ZNF804B: variants seen among roughly 807,000 people sequenced by gnomAD.
The protein encoded by ZNF804B is zinc finger 804B.
A neutral mutation model predicts 101.4 loss-of-function variants in ZNF804B; 80 were observed. That is an observed-to-expected ratio of 0.79 (90% confidence interval 0.66 to 0.95). The LOEUF (loss-of-function observed/expected upper bound fraction) is 0.95. Ranked by LOEUF, ZNF804B falls within the 40% of genes least tolerant of loss-of-function variation. The pLI is 0.00. For synonymous variants in ZNF804B, 622 were observed against 558.8 expected, an observed-to-expected ratio of 1.11 and a Z score of -1.59; for missense variants, 1,673 against 1,561.9, an observed-to-expected ratio of 1.07 and a Z score of -1.20.
In ZNF804B at chr7:89,335,114, C is replaced by G; in HGVS notation, c.2132C>G (p.Ser711Cys). 3.1e-6 allele frequency: 5 copies of G among 1,613,844 alleles called. No individual in the cohort carries two copies. Among genetic ancestry groups the G allele is most frequent in the Non-Finnish European group, 4.2e-6 (5 of 1,179,920 alleles). Residue 711 changes from serine (S) to cysteine (C), a missense_variant, in exon 4 of 4, where the codon TCT (serine) becomes TGT (cysteine). Coordinates refer to ENST00000333190, the MANE Select transcript of ZNF804B (RefSeq NM_181646.5). ...TCATGTTTGAGTAGATATTCTTCCT[C>G]TTTGGACACATCCCCTAGCAGCATG... ...PQSCLSRYSS[S>C]LDTSPSSMSS... is the part of the protein sequence containing the mutation.
chr7:89,333,849 A>G lies in ZNF804B; in HGVS notation c.867A>G (p.Glu289=). Residue 289 remains glutamate, a synonymous_variant, in exon 4 of 4, where the codon GAA becomes GAG. Transcript: ENST00000333190. ...KEVNISPSHL[E]SVLHNTISIN... ...TAAATATCTCACCAAGCCATCTGGA[A>G]AGTGTTTTACACAATACCATCTCCA... 2 of 1,613,376 alleles carry G rather than the reference A, an allele frequency of 1.2e-6. No individual in the cohort carries two copies. Among genetic ancestry groups the G allele is most frequent in the Non-Finnish European group, 1.7e-6 (2 of 1,179,688 alleles).
At chr7:89,094,714 A>G (rs1205705240) in intron 1 of ZNF804B, among the ~76,000 whole-genome samples, 1 of 152,068 alleles carries the variant, frequency 6.6e-6, no homozygotes, top group Non-Finnish European at 1.5e-5. Context: ...AACAAAAATG[A>G]TGATTAATTT....
intron 1 of ZNF804B, among the ~76,000 whole-genome samples, chr7:88,779,127 A>G (rs1329161347): frequency 6.6e-6 from 1 of 152,234 alleles, no homozygotes; most frequent in African/African-American, 2.4e-5. Flanking sequence ...ATGGCAATTT[A>G]ATTTTAATAA....
At chr7:89,135,001 G>A (rs755671677) in intron 1 of ZNF804B, among the ~76,000 whole-genome samples, 10 of 151,970 alleles carry the variant, frequency 6.6e-5, no homozygotes, top group Non-Finnish European at 7.4e-5. Flanking sequence ...TATTTGAACC[G>A]TAAATTCTAC....
intron 1 of ZNF804B, among the ~76,000 whole-genome samples, chr7:89,096,749 G>A (rs993802523): frequency 7.2e-5 from 11 of 152,028 alleles, no homozygotes; most frequent in African/African-American, 2.4e-4. Context: ...ACTCCTCATC[G>A]AAGTAATTTT....
At chr7:89,297,336 T>C (rs1167447096) in intron 2 of ZNF804B, among the ~76,000 whole-genome samples, 4 of 152,072 alleles carry the variant, frequency 2.6e-5, no homozygotes, top group Non-Finnish European at 5.9e-5. Context: ...CTGGTCTTGC[T>C]GTCTAAATAG....
chr7:89,281,919 C>A (rs756443405), intron 2 of ZNF804B, among the ~76,000 whole-genome samples: 22 of 152,040 alleles, frequency 1.4e-4, no homozygotes, highest in Non-Finnish European at 3.1e-4. Flanking sequence ...GTAGGCTTTC[C>A]CACAGTAGAA....
chr7:89,029,352 C>A (rs180945023), intron 1 of ZNF804B, among the ~76,000 whole-genome samples: 118 of 152,280 alleles, frequency 7.7e-4, no homozygotes, highest in African/African-American at 2.8e-3. Context: ...GATCCACCCA[C>A]CTTGGCCTCC....
intron 1 of ZNF804B, among the ~76,000 whole-genome samples, chr7:89,098,714 C>T (rs1239140034): frequency 6.6e-6 from 1 of 152,098 alleles, no homozygotes; most frequent in African/African-American, 2.4e-5. Flanking sequence ...TGTGCTGCTC[C>T]TACATGACAT....
rs565703073 is a variant in ZNF804B, at chr7:89,317,434, A to G, written c.250-9910A>G. Among the ~76,000 whole-genome samples the G allele has an allele frequency of 6.6e-5, 10 of 152,324 alleles. No homozygotes were observed. The South Asian group carries it at 8.3e-4, about 13-fold the overall frequency. On this transcript the variant is annotated intron_variant, in intron 2 of 3. Transcript: ENST00000333190. Reference sequence around the variant, plus strand: ...TAGGTGCAGGGTGAGCCTGCACCCAATATGACTAAATGCGAAGCAAAGAAC... The same window carrying G: ...TAGGTGCAGGGTGAGCCTGCACCCAGTATGACTAAATGCGAAGCAAAGAAC...
intron 1 of ZNF804B, among the ~76,000 whole-genome samples, chr7:89,008,254 G>A (rs1011285295): frequency 1.3e-5 from 2 of 151,918 alleles, no homozygotes; most frequent in Non-Finnish European, 2.9e-5. Context: ...AAAAATCACA[G>A]TTTCTATGTA....
chr7:89,012,226 G>C (rs903555919), intron 1 of ZNF804B, among the ~76,000 whole-genome samples: 1 of 152,030 alleles, frequency 6.6e-6, no homozygotes, highest in Non-Finnish European at 1.5e-5. Flanking sequence ...AAAGGCCCTG[G>C]GCCCTGGCCA....
intron 1 of ZNF804B, among the ~76,000 whole-genome samples, chr7:88,810,450 C>T (rs967399919): frequency 3.3e-5 from 5 of 150,754 alleles, no homozygotes; most frequent in South Asian, 2.1e-4. Flanking sequence ...CCCAGGAGTT[C>T]GAGACCAGCC....
At chr7:89,079,435 A>G (rs2116310455) in intron 1 of ZNF804B, among the ~76,000 whole-genome samples, 1 of 152,148 alleles carries the variant, frequency 6.6e-6, no homozygotes, top group East Asian at 1.9e-4. Context: ...TTGAATACAG[A>G]GTCCTTCACT....
chr7:89,163,007 C>T (rs571869555), intron 1 of ZNF804B, among the ~76,000 whole-genome samples: 2 of 151,890 alleles, frequency 1.3e-5, no homozygotes, highest in East Asian at 3.9e-4. Context: ...ATGAACTCAT[C>T]ATTTTTTATG....
At chr7:88,964,972 T>C (rs1793433757) in intron 1 of ZNF804B, among the ~76,000 whole-genome samples, 1 of 151,466 alleles carries the variant, frequency 6.6e-6, no homozygotes. Context: ...AAAATTTTAC[T>C]GTTGAAGAAA....
chr7:88,849,259 T>A (rs1009919203), intron 1 of ZNF804B, among the ~76,000 whole-genome samples: 1 of 152,164 alleles, frequency 6.6e-6, no homozygotes, highest in South Asian at 2.1e-4. Flanking sequence ...TCACTTCATT[T>A]ACCATGATTC....
At chr7:88,941,181 A>C (rs1431913891) in intron 1 of ZNF804B, among the ~76,000 whole-genome samples, 1 of 152,050 alleles carries the variant, frequency 6.6e-6, no homozygotes, top group Non-Finnish European at 1.5e-5. Flanking sequence ...AAAATGGTAC[A>C]ATGACTTTAG....
chr7:89,221,236 C>T (rs1196064415), intron 2 of ZNF804B, among the ~76,000 whole-genome samples: 1 of 151,860 alleles, frequency 6.6e-6, no homozygotes, highest in Admixed American at 6.6e-5. Context: ...TTTACCCCTG[C>T]TACATATATT....
Sources: gnomAD v4.1 joint callset for allele counts (sites outside exome capture counted in the v4.1 genomes callset) on GRCh38, gnomAD v4.1.1 for gene constraint, MANE v1.5 for transcripts, NCBI Gene and HGNC (gene_info 2026-07-23, HGNC 2026-07-21) for gene names.